Variants in EBF1 observed in about 807,000 individuals in gnomAD.
EBF1 encodes the protein EBF transcription factor 1, also known as transcription factor COE1.
In EBF1, 10 loss-of-function variants were observed where a neutral mutation model predicts 68.4. The ratio of observed to expected loss-of-function variants is 0.15; its 90% CI spans 0.09 to 0.25. The LOEUF (loss-of-function observed/expected upper bound fraction) is 0.25. Among genes scored for constraint, EBF1 ranks in the 10% least tolerant of loss-of-function variants. The pLI is 1.00. For synonymous variants in EBF1, 298 were observed against 299.8 expected (o/e 0.99, Z 0.06); for missense variants, 509 against 794.4 (o/e 0.64, Z 4.32).
chr5:158,891,294 G>A (rs1024718615), intron 6 of EBF1, among the ~76,000 whole-genome samples: 1 of 152,148 alleles, frequency 6.6e-6, no homozygotes, highest in African/African-American at 2.4e-5. Context: ...AAGTGCAGTG[G>A]TCTCTGAGCA....
chr5:158,944,847 G>T (rs1201634607), intron 6 of EBF1, among the ~76,000 whole-genome samples: 4 of 152,278 alleles, frequency 2.6e-5, no homozygotes, highest in South Asian at 2.1e-4. Flanking sequence ...TCATATGTTT[G>T]TTGGCCACAT....
chr5:158,819,041 T>C (rs1784316071), intron 8 of EBF1, among the ~76,000 whole-genome samples: 1 of 151,780 alleles, frequency 6.6e-6, no homozygotes, highest in Admixed American at 6.6e-5. Context: ...CACATTTCTC[T>C]AGTCACCATG....
intron 5 of EBF1, among the ~76,000 whole-genome samples, chr5:159,078,472 T>C (rs919359205): frequency 2.6e-5 from 4 of 152,232 alleles, no homozygotes; most frequent in Non-Finnish European, 5.9e-5. Flanking sequence ...TAGGTCCTCA[T>C]TACTGTGTGA....
intron 6 of EBF1, among the ~76,000 whole-genome samples, chr5:158,857,174 C>T (rs368515107): frequency 6.6e-6 from 1 of 151,550 alleles, no homozygotes; most frequent in Admixed American, 6.6e-5. Context: ...CCTCAGCACC[C>T]CTTCTGCTTG....
chr5:159,041,441 C>G lies in EBF1; in HGVS notation c.554+31955G>C, dbSNP rs377251861. 3.0e-4 allele frequency among the ~76,000 whole-genome samples: 45 copies of G among 152,270 alleles called. No individual in the cohort carries two copies. The East Asian group carries it at 3.5e-3, about 12-fold the overall frequency. On this transcript the variant is annotated intron_variant, in intron 6 of 15. Transcript: ENST00000313708. ...ACGTTTAAAAAAATAAATACTAAAA[C>G]AGCCTGTCGCGTATGGATTCTGTGT...
intron 6 of EBF1, among the ~76,000 whole-genome samples, chr5:159,019,566 A>G (rs1260758723): frequency 6.6e-6 from 1 of 152,198 alleles, no homozygotes; most frequent in African/African-American, 2.4e-5. Flanking sequence ...TTTTTTCTCC[A>G]AAGTGTTTTA....
At chr5:158,756,954 A>T (rs1770242133) in intron 10 of EBF1, among the ~76,000 whole-genome samples, 1 of 151,424 alleles carries the variant, frequency 6.6e-6, no homozygotes, top group Non-Finnish European at 1.5e-5. Context: ...CTGTAAAATA[A>T]CATGACTTCT....
chr5:159,045,002 T>C (rs951053130), intron 6 of EBF1, among the ~76,000 whole-genome samples: 4 of 152,190 alleles, frequency 2.6e-5, no homozygotes, highest in African/African-American at 7.2e-5. Flanking sequence ...ACCAAATACA[T>C]TTAATCCTTT....
chr5:158,756,672 C>CA (rs1554121982), intron 10 of EBF1, among the ~76,000 whole-genome samples: 8 of 149,670 alleles, frequency 5.3e-5, no homozygotes, highest in Non-Finnish European at 1.2e-4. Context: ...TTGCAGCTGC[C>CA]TTTTTTTTTA....
chr5:158,827,653 T>C (rs1786481696), intron 7 of EBF1, among the ~76,000 whole-genome samples: 1 of 152,166 alleles, frequency 6.6e-6, no homozygotes, highest in Admixed American at 6.5e-5. Flanking sequence ...CTAACTCTAT[T>C]ATCTAAGATT....
intron 6 of EBF1, among the ~76,000 whole-genome samples, chr5:158,848,820 G>A (rs1004356047): frequency 1.3e-5 from 2 of 152,188 alleles, no homozygotes; most frequent in African/African-American, 2.4e-5. Context: ...AGAGGGTTTC[G>A]ATATTAACTT....
intron 6 of EBF1, among the ~76,000 whole-genome samples, chr5:158,969,912 G>GA (rs139682316): frequency 0.014 from 1,337 of 92,316 alleles, 48 homozygotes; most frequent in Non-Finnish European, 0.02. Context: ...AAGAAAGAAA[G>GA]AAAGAAAAAA....
intron 5 of EBF1, 196 bp from the exon 6 acceptor site, chr5:159,073,660 T>C (rs933854641): frequency 5.2e-6 from 3 of 573,888 alleles, no homozygotes; most frequent in African/African-American, 1.9e-5. Context: ...AACCTCTCCC[T>C]GCTCAAAGAA....
intron 8 of EBF1, among the ~76,000 whole-genome samples, chr5:158,809,888 C>A (rs186839386): frequency 6.6e-6 from 1 of 152,108 alleles, no homozygotes; most frequent in Non-Finnish European, 1.5e-5. Context: ...GAATGTTGCA[C>A]GTATCATGAA....
chr5:158,717,275 T>C (rs1241030960), intron 11 of EBF1, among the ~76,000 whole-genome samples: 1 of 152,152 alleles, frequency 6.6e-6, no homozygotes, highest in Non-Finnish European at 1.5e-5. Flanking sequence ...ATTTGAAAAA[T>C]CTGTAATTTC....
intron 6 of EBF1, among the ~76,000 whole-genome samples, chr5:159,032,121 A>G (rs1469416129): frequency 1.3e-5 from 2 of 152,130 alleles, no homozygotes; most frequent in African/African-American, 4.8e-5. Context: ...AACAGGTGTA[A>G]CAAATGCCCT....
At chr5:158,982,439 G>A (rs1171905266) in intron 6 of EBF1, among the ~76,000 whole-genome samples, 2 of 152,134 alleles carry the variant, frequency 1.3e-5, no homozygotes, top group African/African-American at 2.4e-5. Flanking sequence ...ACTGTGTCAG[G>A]CAACGAGGAT....
intron 11 of EBF1, among the ~76,000 whole-genome samples, chr5:158,717,395 AT>A (rs1317836185): frequency 6.6e-6 from 1 of 152,138 alleles, no homozygotes; most frequent in African/African-American, 2.4e-5. Context: ...TTAAATTCTT[AT>A]TTTTTGTGGC....
chr5:159,077,822 C>T (rs1353906292), intron 5 of EBF1, among the ~76,000 whole-genome samples: 3 of 142,116 alleles, frequency 2.1e-5, no homozygotes, highest in African/African-American at 5.3e-5. Context: ...ACAGCTGCCT[C>T]GACCTCCTGG....
Sources: gnomAD v4.1 joint callset for allele counts (sites outside exome capture counted in the v4.1 genomes callset) on GRCh38, gnomAD v4.1.1 for gene constraint, MANE v1.5 for transcripts, NCBI Gene and HGNC (gene_info 2026-07-23, HGNC 2026-07-21) for gene names.